PLXDC2: variants seen among roughly 807,000 people sequenced by gnomAD.
PLXDC2 encodes the protein plexin domain-containing protein 2.
In PLXDC2, 40 loss-of-function variants were observed where a neutral mutation model predicts 68.9. That is an observed-to-expected ratio of 0.58 (90% confidence interval 0.45 to 0.76). PLXDC2 has a LOEUF of 0.76. Among genes scored for constraint, PLXDC2 ranks in the 30% least tolerant of loss-of-function variants. The pLI, the probability that PLXDC2 is intolerant of heterozygous loss-of-function variation, is 0.00. For synonymous variants in PLXDC2, 243 were observed against 234.2 expected (o/e 1.04, Z -0.34); for missense variants, 644 against 661.9 (o/e 0.97, Z 0.30).
intron 1 of PLXDC2, among the ~76,000 whole-genome samples, chr10:19,961,852 T>G (rs1476589949): frequency 6.6e-6 from 1 of 152,188 alleles, no homozygotes; most frequent in Non-Finnish European, 1.5e-5. Flanking sequence ...AGGAGGGCCC[T>G]CAAAATGATG....
chr10:19,848,459 A>C (rs993759450), intron 1 of PLXDC2, among the ~76,000 whole-genome samples: 2 of 152,170 alleles, frequency 1.3e-5, no homozygotes, highest in Non-Finnish European at 2.9e-5. Context: ...TTCTTGACGC[A>C]GGAGGCATCC....
In PLXDC2 at chr10:19,877,040, A is replaced by G. The variant is rs115705771; in HGVS notation, c.112+59849A>G. On this transcript the variant is annotated intron_variant, in intron 1 of 13. Coordinates refer to ENST00000377252, the MANE Select transcript of PLXDC2 (RefSeq NM_032812.9). ...AATGAAAATTCAATTAAAGATTTGA[A>G]GATGACCTCAATAAGTTGTTTGCAT... Among the ~76,000 whole-genome samples, 1,163 of 152,380 alleles carry G rather than the reference A, an allele frequency of 7.6e-3. 21 individuals carry two copies. The highest frequency in any genetic ancestry group is 0.026 in the African/African-American group (1,099 of 41,588).
At chr10:19,993,377 T>G (rs1834783198) in intron 1 of PLXDC2, among the ~76,000 whole-genome samples, 1 of 152,208 alleles carries the variant, frequency 6.6e-6, no homozygotes, top group Non-Finnish European at 1.5e-5. Context: ...TATAAACCGT[T>G]ACATTTTAAA....
At chr10:19,900,491 C>T (rs919003938) in intron 1 of PLXDC2, among the ~76,000 whole-genome samples, 2 of 152,062 alleles carry the variant, frequency 1.3e-5, no homozygotes. Flanking sequence ...AAAGCAAACA[C>T]TGTGCAGTAT....
chr10:19,892,334 G>A (rs1003807990), intron 1 of PLXDC2, among the ~76,000 whole-genome samples: 1 of 152,172 alleles, frequency 6.6e-6, no homozygotes, highest in Admixed American at 6.6e-5. Context: ...AAGTCATTCA[G>A]CTAGTAAGAA....
At chr10:19,956,621 A>C (rs1347721198) in intron 1 of PLXDC2, among the ~76,000 whole-genome samples, 2 of 152,236 alleles carry the variant, frequency 1.3e-5, no homozygotes, top group Non-Finnish European at 2.9e-5. Flanking sequence ...GTAAATGAAT[A>C]AATGAGCAAA....
At chr10:19,944,926 G>A (rs1022252689) in intron 1 of PLXDC2, among the ~76,000 whole-genome samples, 14 of 152,050 alleles carry the variant, frequency 9.2e-5, no homozygotes, top group Admixed American at 6.6e-4. Flanking sequence ...CACTCCAGCC[G>A]GGGCAACAAG....
chr10:20,065,131 C>G (rs1298024296), intron 3 of PLXDC2, among the ~76,000 whole-genome samples: 1 of 152,102 alleles, frequency 6.6e-6, no homozygotes, highest in African/African-American at 2.4e-5. Context: ...CAAACTAAGC[C>G]AAGGCTTAAA....
At chr10:19,934,344 T>C (rs1456637058) in intron 1 of PLXDC2, among the ~76,000 whole-genome samples, 1 of 152,224 alleles carries the variant, frequency 6.6e-6, no homozygotes, top group African/African-American at 2.4e-5. Context: ...AGGTCCTTTT[T>C]TAGACCAAAG....
At chr10:20,227,493 A>G (rs773919205) in intron 12 of PLXDC2, among the ~76,000 whole-genome samples, 3 of 152,098 alleles carry the variant, frequency 2.0e-5, no homozygotes, top group Non-Finnish European at 4.4e-5. Context: ...AAACATCAAG[A>G]TCTGGTTGGA....
intron 1 of PLXDC2, among the ~76,000 whole-genome samples, chr10:19,982,325 C>T (rs903443375): frequency 2.0e-5 from 3 of 152,174 alleles, no homozygotes. Context: ...CATTCAGAAC[C>T]ATCCCTCCGT....
chr10:20,175,169 A>C (rs945575214), intron 7 of PLXDC2, among the ~76,000 whole-genome samples: 3 of 152,186 alleles, frequency 2.0e-5, no homozygotes, highest in Non-Finnish European at 2.9e-5. Flanking sequence ...AGTGTATCTA[A>C]TATGTATTGA....
intron 7 of PLXDC2, among the ~76,000 whole-genome samples, chr10:20,174,483 G>A (rs1179002676): frequency 1.3e-5 from 2 of 151,906 alleles, no homozygotes; most frequent in East Asian, 1.9e-4. Context: ...AATGTGATAC[G>A]CCTGAGATAT....
Position 19,886,238 on chromosome 10 carries a change from C to T in PLXDC2, c.112+69047C>T, listed in dbSNP as rs919595272. 6.6e-5 allele frequency among the ~76,000 whole-genome samples: 10 copies of T among 152,230 alleles called. No individual in the cohort carries two copies. In the East Asian group the frequency reaches 1.4e-3, roughly 21 times the overall value. ...AGACTTCGCTGAAGTTGCTTATCAG[C>T]TTAAGGAGATTTTGGGCTGAGACAA... is the stretch of plus-strand genomic sequence containing the variant. On this transcript the variant is annotated intron_variant, in intron 1 of 13. Coordinates refer to ENST00000377252, the MANE Select transcript of PLXDC2 (RefSeq NM_032812.9).
chr10:20,147,173 C>G (rs1165398847), intron 5 of PLXDC2, among the ~76,000 whole-genome samples: 1 of 152,082 alleles, frequency 6.6e-6, no homozygotes, highest in Non-Finnish European at 1.5e-5. Context: ...AAGTTTCATC[C>G]CAGTGTGCTT....
At chr10:19,826,834 G>A (rs556614963) in intron 1 of PLXDC2, among the ~76,000 whole-genome samples, 1 of 152,124 alleles carries the variant, frequency 6.6e-6, no homozygotes, top group African/African-American at 2.4e-5. Flanking sequence ...TCAGAATCTT[G>A]TGGTCGCGTT....
At chr10:19,935,695 A>G (rs867835792) in intron 1 of PLXDC2, among the ~76,000 whole-genome samples, 3 of 152,228 alleles carry the variant, frequency 2.0e-5, no homozygotes, top group African/African-American at 7.2e-5. Flanking sequence ...TCCTGTTCAC[A>G]ATAATGACAA....
chr10:20,286,651 G>C lies in PLXDC2; in HGVS notation c.*6832G>C, dbSNP rs896728616. ...ATTTTAGGGGAAAGTATAAACCTAA[G>C]AGTGAGTGAATGGAGATGATTCATG... On this transcript the variant is annotated 3_prime_UTR_variant, in exon 14 of 14. Transcript: ENST00000377252. 1.3e-5 allele frequency: 2 copies of C among 152,106 alleles called. No homozygotes were observed. The highest frequency in any genetic ancestry group is 3.9e-4 in the East Asian group (2 of 5,194). 9.4% of individuals were successfully genotyped at this position (152,106 alleles called of 1,614,324 possible).
intron 1 of PLXDC2, among the ~76,000 whole-genome samples, chr10:19,893,072 GT>G (rs935734139): frequency 2.0e-5 from 3 of 152,028 alleles, no homozygotes; most frequent in Admixed American, 1.3e-4. Context: ...TCAAAGAAGG[GT>G]AATAATCCTG....
Sources: gnomAD v4.1 joint callset for allele counts (sites outside exome capture counted in the v4.1 genomes callset) on GRCh38, gnomAD v4.1.1 for gene constraint, MANE v1.5 for transcripts, NCBI Gene and HGNC (gene_info 2026-07-23, HGNC 2026-07-21) for gene names.